The following SGK1 variants were observed in gnomAD, a reference collection of about 807,000 sequenced individuals.
The protein encoded by SGK1 is serine/threonine-protein kinase Sgk1.
Under a neutral mutation model 64.2 loss-of-function variants are expected in SGK1, and 26 were observed. The ratio of observed to expected loss-of-function variants is 0.40; its 90% CI spans 0.30 to 0.56. The LOEUF (loss-of-function observed/expected upper bound fraction) is 0.56, where lower values mean the gene tolerates loss of function less well. SGK1 is among the 20% of genes least tolerant of loss of function. The pLI is 0.38. For missense variants in SGK1, 519 were observed against 645.6 expected (o/e 0.80, Z 2.12); for synonymous variants, 265 against 239.7 (o/e 1.11, Z -0.98).
At chr6:134,175,568 C>T (rs778089346) in intron 3 of SGK1, 2 of 1,562,122 alleles carry the variant, frequency 1.3e-6, no homozygotes, top group Non-Finnish European at 1.7e-6. Context: ...AGGAAGGACT[C>T]GCTCCTTTTC....
chr6:134,237,960 A>G (rs1776388977), intron 2 of SGK1, among the ~76,000 whole-genome samples: 1 of 152,212 alleles, frequency 6.6e-6, no homozygotes, highest in African/African-American at 2.4e-5. Flanking sequence ...ACAAAATTTT[A>G]TACCAGAAAA....
At chr6:134,265,625 T>C (rs1776842647) in intron 1 of SGK1, among the ~76,000 whole-genome samples, 1 of 138,036 alleles carries the variant, frequency 7.2e-6, no homozygotes, top group African/African-American at 2.8e-5. Flanking sequence ...TATACATATA[T>C]ATATATACAT....
At chr6:134,233,707 T>C (rs1380506111) in intron 2 of SGK1, among the ~76,000 whole-genome samples, 1 of 151,940 alleles carries the variant, frequency 6.6e-6, no homozygotes, top group Non-Finnish European at 1.5e-5. Context: ...TAAATATAAT[T>C]CATGCAGAAA....
intron 3 of SGK1, among the ~76,000 whole-genome samples, chr6:134,200,514 G>A (rs1312638336): frequency 6.6e-6 from 1 of 152,170 alleles, no homozygotes; most frequent in South Asian, 2.1e-4. Flanking sequence ...AAACTACCTT[G>A]AATAATTCCT....
At chr6:134,298,231 T>C (rs1377884974) in intron 1 of SGK1, 7 of 1,573,394 alleles carry the variant, frequency 4.4e-6, no homozygotes, top group Non-Finnish European at 6.1e-6. Flanking sequence ...CAGCTTCTCC[T>C]GGCCCCGAGT....
chr6:134,171,958 T>G, intron 10 of SGK1: 1 of 637,868 alleles, frequency 1.6e-6, no homozygotes, highest in Non-Finnish European at 2.7e-6. Context: ...ACTTAGGGAT[T>G]TAGAAAGTTT....
chr6:134,256,311 A>G (rs1776683074), intron 2 of SGK1, among the ~76,000 whole-genome samples: 1 of 152,084 alleles, frequency 6.6e-6, no homozygotes, highest in African/African-American at 2.4e-5. Flanking sequence ...ATTATCCCTT[A>G]TCTACACAAT....
intron 1 of SGK1, among the ~76,000 whole-genome samples, chr6:134,283,941 A>T (rs1777140185): frequency 1.3e-5 from 2 of 150,522 alleles, no homozygotes; most frequent in South Asian, 4.2e-4. Flanking sequence ...AAGTGCCAAA[A>T]TAATGCATTT....
intron 3 of SGK1, among the ~76,000 whole-genome samples, chr6:134,198,726 A>AT (rs1178699258): frequency 0.042 from 4,313 of 101,642 alleles, 253 homozygotes; most frequent in African/African-American, 0.077. Context: ...CTCTTTTTCT[A>AT]TTTTTTTTTT....
chr6:134,305,667 G>A (rs1163528618), intron 1 of SGK1, among the ~76,000 whole-genome samples: 1 of 151,880 alleles, frequency 6.6e-6, no homozygotes, highest in Admixed American at 6.6e-5. Flanking sequence ...TTTTTTCAGA[G>A]ATGGGGTTTT....
chr6:134,247,417 A>ATG (rs1345605930), intron 2 of SGK1, among the ~76,000 whole-genome samples: 1 of 152,132 alleles, frequency 6.6e-6, no homozygotes, highest in Middle Eastern at 3.2e-3. Flanking sequence ...TTACCTATAT[A>ATG]TGGCCCTCCA....
intron 3 of SGK1, among the ~76,000 whole-genome samples, chr6:134,198,700 T>TC (rs1052360226): frequency 2.0e-5 from 3 of 148,708 alleles, no homozygotes; most frequent in Non-Finnish European, 4.5e-5. Context: ...TTATAGTGAT[T>TC]TTTTTTCTTC....
At chr6:134,197,839 A>T (rs1487687198) in intron 3 of SGK1, among the ~76,000 whole-genome samples, 1 of 142,780 alleles carries the variant, frequency 7.0e-6, no homozygotes, top group Admixed American at 6.9e-5. Context: ...AGAATAAAAT[A>T]AAATAAAATA....
chr6:134,276,136 T>G (rs1165122455), intron 1 of SGK1, among the ~76,000 whole-genome samples: 3 of 152,204 alleles, frequency 2.0e-5, no homozygotes, highest in Non-Finnish European at 4.4e-5. Context: ...AGACTCACTA[T>G]TACATCCCCA....
chr6:134,250,869 G>A (rs1189978399), intron 2 of SGK1, among the ~76,000 whole-genome samples: 1 of 152,072 alleles, frequency 6.6e-6, no homozygotes, highest in African/African-American at 2.4e-5. Context: ...GACCTCCTGG[G>A]CTCAAGCTGT....
chr6:134,279,790 G>C (rs1324670260), intron 1 of SGK1, among the ~76,000 whole-genome samples: 3 of 152,134 alleles, frequency 2.0e-5, no homozygotes, highest in Non-Finnish European at 4.4e-5. Flanking sequence ...AAAGAATCAG[G>C]TATTGGTTCT....
intron 11 of SGK1, 33 bp downstream of exon 11, chr6:134,171,604 G>A: frequency 7.0e-7 from 1 of 1,438,730 alleles, no homozygotes; most frequent in Non-Finnish European, 9.8e-7. Context: ...TAGGGAGCAG[G>A]CAGTGTTCCA....
At chr6:134,192,633 G>A (rs1221388414) in intron 3 of SGK1, among the ~76,000 whole-genome samples, 1 of 142,920 alleles carries the variant, frequency 7.0e-6, no homozygotes, top group Non-Finnish European at 1.5e-5. Context: ...GCAGTGGCAC[G>A]ATCTTGGCTC....
At chr6:134,220,722 A>G (rs1201904928) in intron 2 of SGK1, among the ~76,000 whole-genome samples, 1 of 152,250 alleles carries the variant, frequency 6.6e-6, no homozygotes, top group East Asian at 1.9e-4. Flanking sequence ...ACATGTCAAC[A>G]GGAGTATAAT....
Sources: allele counts gnomAD v4.1 joint callset (sites outside exome capture counted in the v4.1 genomes callset), GRCh38; gene constraint gnomAD v4.1.1; transcripts MANE v1.5; gene names NCBI Gene and HGNC (gene_info 2026-07-23, HGNC 2026-07-21).